CLEC4M: variants seen among roughly 807,000 people sequenced by gnomAD.
The protein encoded by CLEC4M is C-type lectin domain family 4 member M, also known as CD209 antigen-like protein 1.
In CLEC4M, 25 loss-of-function variants were observed where a neutral mutation model predicts 39.1. That is an observed-to-expected ratio of 0.64 (90% CI 0.47 to 0.89). CLEC4M has a LOEUF of 0.89. Ranked by LOEUF, CLEC4M falls within the 40% of genes least tolerant of loss-of-function variation. The probability of loss-of-function intolerance (pLI) is 0.00; values close to 1 mark genes in which losing one functional copy is unlikely to be tolerated. For missense variants in CLEC4M, 353 were observed against 431.4 expected (o/e 0.82, Z 1.61); for synonymous variants, 155 against 177.4 (o/e 0.87, Z 1.00).
rs762205399 is a variant in CLEC4M at position 7,766,628 on chromosome 19, C to T, written c.785-28C>T. Reference sequence around the variant, plus strand: ...GGGAATATGGACAACCTAATCTGAGCCCAGCCCTGACCAGCCTCCCCCAAC... The same window carrying T: ...GGGAATATGGACAACCTAATCTGAGTCCAGCCCTGACCAGCCTCCCCCAAC... On this transcript the variant is annotated intron_variant, in intron 4 of 6. Coordinates refer to ENST00000327325, the MANE Select transcript of CLEC4M (RefSeq NM_014257.5). 4.1e-5 allele frequency: 66 copies of T among 1,613,928 alleles called. No individual in the cohort carries two copies. The Middle Eastern group carries it at 4.9e-4, about 12-fold the overall frequency.
chr19:7,769,057 T>TCTCTCCAGCG lies in CLEC4M; in HGVS notation c.*71_*72insCTCCAGCGCT, dbSNP rs2034410272. On this transcript the variant is annotated 3_prime_UTR_variant, in exon 7 of 7. Coordinates refer to ENST00000327325, the MANE Select transcript of CLEC4M (RefSeq NM_014257.5). ...CTTCACCCACTTGTAAGCCAGCGCT[T>TCTCTCCAGCG]CTTCTCTCCATCCTTGGACCTTCAC... 6.7e-7 allele frequency: 1 copy of TCTCTCCAGCG among 1,481,820 alleles called. No homozygotes were observed. The highest frequency in any genetic ancestry group is 1.9e-5 in the African/African-American group (1 of 51,588). 91.8% of individuals were successfully genotyped at this position (1,481,820 alleles called of 1,614,324 possible). A position where few individuals can be genotyped will look rare whatever the true frequency, so the allele number is the denominator to read the frequency against.
intron 2 of CLEC4M, among the ~76,000 whole-genome samples, chr19:7,764,331 A>G (rs1487041286): frequency 6.6e-6 from 1 of 152,138 alleles, no homozygotes; most frequent in African/African-American, 2.4e-5. Context: ...ATGTTTTACA[A>G]CTTGAGTTTA....
Position 7,763,421 on chromosome 19 carries a change from A to G in CLEC4M, c.75A>G (p.Arg25=). The stretch of plus-strand genomic sequence containing the variant: ...AAGATCCAACAACCAGTGGCATCAG[A>G]CTTTTTCCAAGAGACTTTCAATTCC... ...LEEDPTTSGI[R]LFPRDFQFQQ... The change falls in exon 2 of 7, where the codon AGA becomes AGG. Residue 25 remains arginine, a synonymous_variant. Transcript: ENST00000327325. 6.2e-7 allele frequency: 1 copy of G among 1,614,092 alleles called. No individual in the cohort carries two copies.
At chr19:7,766,463 C>T in intron 4 of CLEC4M, 193 bp from the exon 5 acceptor site, 1 of 1,453,550 alleles carries the variant, frequency 6.9e-7, no homozygotes, top group Non-Finnish European at 9.0e-7. Context: ...GGAGCCAGGA[C>T]TCCTGGGTTC....
At position 7,769,181 on chromosome 19, in the gene CLEC4M, T is replaced by C. The variant is rs2034415114; in HGVS notation, c.*193T>C. 2 of 545,216 alleles carry C rather than the reference T, an allele frequency of 3.7e-6. No individual in the cohort carries two copies. The highest frequency in any genetic ancestry group is 2.2e-5 in the South Asian group (1 of 45,788). 33.8% of individuals were successfully genotyped at this position (545,216 alleles called of 1,614,324 possible). ...CCTCCAAGTTTCCCTGGTGTAGAGC[T>C]TGTGTTCTTGGCCCATCCTTGGAGC... On this transcript the variant is annotated 3_prime_UTR_variant, in exon 7 of 7. Coordinates refer to ENST00000327325, the MANE Select transcript of CLEC4M (RefSeq NM_014257.5).
intron 6 of CLEC4M, chr19:7,768,575 C>CA (rs1315236511): frequency 2.1e-5 from 6 of 287,714 alleles, no homozygotes; most frequent in East Asian, 6.2e-5. Flanking sequence ...GAATCTGTCT[C>CA]AAAAAAAGAA....
At chr19:7,767,708 C>T (rs544515710) in intron 6 of CLEC4M, 80 bp downstream of exon 6, 203 of 1,238,732 alleles carry the variant, frequency 1.6e-4, no homozygotes, top group Non-Finnish European at 2.2e-4. Context: ...CCTGGGGGTC[C>T]CCCCCAACCT....
chr19:7,764,013 TG>T (rs1346281831), intron 2 of CLEC4M, among the ~76,000 whole-genome samples: 3 of 152,000 alleles, frequency 2.0e-5, no homozygotes, highest in Non-Finnish European at 4.4e-5. Flanking sequence ...GGGTTCCTCC[TG>T]GGACCTGGAG....
rs2034295849 is a variant in CLEC4M at position 7,766,761 on chromosome 19, A to G, written c.890A>G (p.Gln297Arg). 1.2e-6 allele frequency: 2 copies of G among 1,614,232 alleles called. No homozygotes were observed. Among genetic ancestry groups the G allele is most frequent in the African/African-American group, 2.7e-5 (2 of 75,072 alleles). ...TGGCACGACTCCGTCACCGCCTGCC[A>G]GGAAGTGAGGGCCCAGCTCGTCGTA... is the stretch of plus-strand genomic sequence containing the variant. ...RNWHDSVTAC[Q>R]EVRAQLVVIK... Residue 297 changes from glutamine (Q) to arginine (R), a missense_variant, in exon 5 of 7, where the codon CAG becomes CGG. Gln to Arg is a conservative substitution (Grantham distance 43, BLOSUM62 1). This residue lies in a region of CLEC4M where 196 missense variants were observed against 211.7 expected (regional missense o/e 0.93). Transcript: ENST00000327325.
chr19:7,768,813 C>G, intron 6 of CLEC4M, 25 bp from the exon 7 acceptor site: 2 of 1,610,996 alleles, frequency 1.2e-6, no homozygotes, highest in Non-Finnish European at 1.7e-6. Flanking sequence ...AGGGCAGAGG[C>G]TCACATTCTG....
intron 2 of CLEC4M, among the ~76,000 whole-genome samples, chr19:7,763,839 G>A (rs7245903): frequency 0.014 from 2,056 of 151,768 alleles, 40 homozygotes; most frequent in African/African-American, 0.044. Context: ...CCTGGGGCAG[G>A]TGAGAACTGG....
chr19:7,766,794 C>G lies in CLEC4M; in HGVS notation c.923C>G (p.Thr308Ser), dbSNP rs368443100. The change falls in exon 5 of 7, where the codon ACT (threonine) becomes AGT (serine). Residue 308 changes from threonine (T) to serine (S), a missense_variant. Thr to Ser is a moderately conservative substitution (Grantham distance 58). Coordinates refer to ENST00000327325, the MANE Select transcript of CLEC4M (RefSeq NM_014257.5). ...AGGGCCCAGCTCGTCGTAATCAAAA[C>G]TGCTGAGGAGCAGGTACACGTGGTG... is the stretch of plus-strand genomic sequence containing the variant. ...EVRAQLVVIK[T>S]AEEQNFLQLQ... is the part of the protein sequence containing the mutation. The G allele has an allele frequency of 1.4e-4, 218 of 1,614,100 alleles. No homozygotes were observed. The highest frequency in any genetic ancestry group is 1.7e-4 in the Non-Finnish European group (203 of 1,180,046).
intron 5 of CLEC4M, chr19:7,767,172 A>G (rs2034315018): frequency 4.7e-6 from 2 of 427,546 alleles, no homozygotes; most frequent in East Asian, 4.6e-5. Flanking sequence ...TGCAGAGCTG[A>G]AAGGAGATGT....
chr19:7,764,801 T>C (rs1347897023), intron 2 of CLEC4M, among the ~76,000 whole-genome samples: 3 of 152,196 alleles, frequency 2.0e-5, no homozygotes, highest in Non-Finnish European at 4.4e-5. Context: ...AAAAAGGCAG[T>C]TAATTTTTAA....
intron 2 of CLEC4M, among the ~76,000 whole-genome samples, chr19:7,764,066 A>G (rs1383521954): frequency 6.6e-6 from 1 of 151,992 alleles, no homozygotes; most frequent in Non-Finnish European, 1.5e-5. Context: ...CTGGTGTTGC[A>G]GGATAATTTA....
At position 7,764,862 on chromosome 19, in the gene CLEC4M, C is replaced by G. The variant is rs538768681; in HGVS notation, c.131-323C>G. 4.7e-4 allele frequency among the ~76,000 whole-genome samples: 71 copies of G among 152,272 alleles called. 1 individual carries two copies. Among genetic ancestry groups the G allele is most frequent in the Non-Finnish European group, 8.4e-4 (57 of 68,026 alleles). ...AGGGGGAATTGGGTTTTCTTACATA[C>G]AACTGAGTTTTTGCTTACACATTCT... On this transcript the variant is annotated intron_variant, in intron 2 of 6. Coordinates refer to ENST00000327325, the MANE Select transcript of CLEC4M (RefSeq NM_014257.5).
At chr19:7,768,743 T>C (rs1427368756) in intron 6 of CLEC4M, 95 bp from the exon 7 acceptor site, 2 of 1,423,250 alleles carry the variant, frequency 1.4e-6, no homozygotes, top group Non-Finnish European at 1.9e-6. Context: ...CATACACATG[T>C]AGGGCAGATG....
At chr19:7,764,738 G>T (rs990722960) in intron 2 of CLEC4M, among the ~76,000 whole-genome samples, 1 of 152,160 alleles carries the variant, frequency 6.6e-6, no homozygotes, top group Non-Finnish European at 1.5e-5. Flanking sequence ...TGATCTGCCT[G>T]CCTCAGCCTC....
intron 4 of CLEC4M, 121 bp downstream of exon 4, chr19:7,766,328 G>T (rs1356235483): frequency 5.3e-6 from 8 of 1,513,234 alleles, no homozygotes; most frequent in Non-Finnish European, 7.0e-6. Context: ...AGAACACGGG[G>T]TAACTGCGAT....
Sources: gnomAD v4.1 joint callset for allele counts (sites outside exome capture counted in the v4.1 genomes callset) on GRCh38, gnomAD v4.1.1 for gene constraint, gnomAD v4.1.1 regional missense constraint, MANE v1.5 for transcripts, NCBI Gene and HGNC (gene_info 2026-07-23, HGNC 2026-07-21) for gene names.